ZNF516: variants seen among roughly 807,000 people sequenced by gnomAD.
ZNF516 encodes zinc finger protein 516.
ZNF516 carries 19 observed loss-of-function variants against 79.7 expected under a neutral mutation model. The observed-to-expected ratio is 0.24, with a 90% CI of 0.17 to 0.35. The LOEUF (loss-of-function observed/expected upper bound fraction) is 0.35, where lower values mean the gene tolerates loss of function less well. ZNF516 is among the 10% of genes least tolerant of loss of function. The probability of loss-of-function intolerance (pLI) is 1.00; values close to 1 mark genes in which losing one functional copy is unlikely to be tolerated. For missense variants in ZNF516, 1,678 were observed against 1,679.5 expected (o/e 1.00, Z 0.02); for synonymous variants, 877 against 739.5 (o/e 1.19, Z -3.02).
intron 1 of ZNF516, among the ~76,000 whole-genome samples, chr18:76,491,401 T>TCCCC (rs1322305916): frequency 1.6e-5 from 1 of 63,044 alleles, no homozygotes; most frequent in East Asian, 4.3e-4. Context: ...CCCCGCCGGC[T>TCCCC]CCCCCCGCCC....
chr18:76,492,566 G>C (rs67538124), intron 1 of ZNF516: 59,609 of 361,278 alleles, frequency 0.16, 5,704 homozygotes, highest in African/African-American at 0.31. Flanking sequence ...CTTTTCTACG[G>C]AGTTCACATC....
chr18:76,468,594 AT>A (rs1337773301), intron 1 of ZNF516, among the ~76,000 whole-genome samples: 1 of 150,700 alleles, frequency 6.6e-6, no homozygotes, highest in Non-Finnish European at 1.5e-5. Flanking sequence ...TTTTTTTTCT[AT>A]TTTTTGTAGA....
intron 2 of ZNF516, among the ~76,000 whole-genome samples, chr18:76,458,093 C>T (rs1302998944): frequency 1.3e-5 from 2 of 152,216 alleles, no homozygotes; most frequent in African/African-American, 4.8e-5. Context: ...CCTGACACTT[C>T]AATGCCATCA....
At chr18:76,395,316 T>A (rs1363763500) in intron 3 of ZNF516, among the ~76,000 whole-genome samples, 2 of 152,070 alleles carry the variant, frequency 1.3e-5, no homozygotes, top group African/African-American at 4.8e-5. Flanking sequence ...AAAGCAAACC[T>A]TGTTTCACAG....
At chr18:76,492,710 T>G (rs1303297793) in intron 1 of ZNF516, 1 of 984,778 alleles carries the variant, frequency 1.0e-6, no homozygotes, top group Non-Finnish European at 1.2e-6. Context: ...GAGTCCCCAG[T>G]TGCTGAGAAA....
chr18:76,478,459 T>C lies in ZNF516; in HGVS notation c.-271-15318A>G, dbSNP rs926775236. Among the ~76,000 whole-genome samples the C allele has an allele frequency of 2.0e-5, 3 of 152,194 alleles. No homozygotes were observed. The East Asian group carries it at 5.8e-4, about 29-fold the overall frequency. On this transcript the variant is annotated intron_variant, in intron 1 of 6. Transcript: ENST00000443185. ...GAAAAAAAAGGTTTAAGGTTTAATA[T>C]ACAATACAAATAACATCTACCTAAA...
At chr18:76,482,184 CTT>C (rs1914562499) in intron 1 of ZNF516, among the ~76,000 whole-genome samples, 1 of 152,096 alleles carries the variant, frequency 6.6e-6, no homozygotes, top group African/African-American at 2.4e-5. Context: ...CCATGTTTTG[CTT>C]TTTGTTTTAG....
intron 3 of ZNF516, among the ~76,000 whole-genome samples, chr18:76,435,377 C>T (rs2145485950): frequency 6.6e-6 from 1 of 152,336 alleles, no homozygotes; most frequent in African/African-American, 2.4e-5. Flanking sequence ...CATAGATTAT[C>T]AACGCTGAAA....
intron 3 of ZNF516, among the ~76,000 whole-genome samples, chr18:76,408,569 A>C (rs1395686282): frequency 1.3e-5 from 2 of 152,202 alleles, no homozygotes; most frequent in Non-Finnish European, 2.9e-5. Flanking sequence ...AATGTTTGTC[A>C]TCCAACTAGG....
intron 3 of ZNF516, among the ~76,000 whole-genome samples, chr18:76,430,805 T>C (rs2075651547): frequency 6.6e-6 from 1 of 152,258 alleles, no homozygotes. Flanking sequence ...GGCACATCTA[T>C]ACAGGAACAT....
intron 3 of ZNF516, among the ~76,000 whole-genome samples, chr18:76,380,600 G>C (rs2074875736): frequency 6.6e-6 from 1 of 152,166 alleles, no homozygotes; most frequent in South Asian, 2.1e-4. Context: ...AGTTAACAGA[G>C]GGTGACTGGT....
Position 76,493,261 on chromosome 18 carries a change from G to GAA in ZNF516, c.-272+1881_-272+1882dup. On this transcript the variant is annotated intron_variant, in intron 1 of 6. Transcript: ENST00000443185. This position sits in a 1 kb window ranked among gnomAD's most constrained non-coding sequence, Gnocchi z 5.2. ...TGTACTTCCACAAAGGATGGAAAGG[G>GAA]AAATTCACGAAGGGAGTGGAGGCGG... The GAA allele has an allele frequency of 1.1e-6, 1 of 895,838 alleles. No homozygotes were observed. Among genetic ancestry groups the GAA allele is most frequent in the East Asian group, 1.3e-4 (1 of 7,926 alleles). The allele number at this position is 895,838 out of a possible 1,614,324, so 55.5% of individuals were successfully genotyped here.
At chr18:76,439,226 T>C (rs1234636794) in intron 3 of ZNF516, among the ~76,000 whole-genome samples, 1 of 152,224 alleles carries the variant, frequency 6.6e-6, no homozygotes, top group East Asian at 1.9e-4. Flanking sequence ...AGAATATCCA[T>C]GAATTAGTAA....
Position 76,493,189 on chromosome 18 carries a change from CTTCT to C in ZNF516, c.-272+1951_-272+1954del, listed in dbSNP as rs1057393448. 4 of 984,810 alleles carry C rather than the reference CTTCT, an allele frequency of 4.1e-6. No homozygotes were observed. The African/African-American group carries it at 7.0e-5, about 17-fold the overall frequency. 61.0% of individuals were successfully genotyped at this position (984,810 alleles called of 1,614,324 possible). A position where few individuals can be genotyped will look rare whatever the true frequency, so the allele number is the denominator to read the frequency against. ...AGTTAGCCATCTGCGCAGAGTTTGC[CTTCT>C]TTAAGGAGGGAGGCGTCAGACGATA... On this transcript the variant is annotated intron_variant, in intron 1 of 6. Transcript: ENST00000443185. The surrounding 1 kb of genome is among the most constrained non-coding windows in gnomAD (Gnocchi z 5.2).
rs775776022 is a variant in ZNF516, at chr18:76,441,310, C to A, written c.1745G>T (p.Gly582Val). ...GGCAGCCTCGTCGGCCAGGCCAGAG[C>A]CCGGGGAGTCAGCAGCGGCACAGGC... Reference protein sequence around the residue: ...GSACAAADSPGSGLADEAAED... With the variant: ...GSACAAADSPVSGLADEAAED... Residue 582 changes from glycine to valine, a missense_variant, in exon 3 of 7, where the codon GGC becomes GTC. Gly to Val is a moderately radical substitution (Grantham distance 109, BLOSUM62 -3). Coordinates refer to ENST00000443185, the MANE Select transcript of ZNF516 (RefSeq NM_014643.4). The A allele has an allele frequency of 2.5e-6, 4 of 1,611,416 alleles. No homozygotes were observed. Among genetic ancestry groups the A allele is most frequent in the Admixed American group, 1.7e-5 (1 of 59,904 alleles).
intron 3 of ZNF516, among the ~76,000 whole-genome samples, chr18:76,415,113 G>A (rs971926888): frequency 1.3e-5 from 2 of 152,156 alleles, no homozygotes; most frequent in Non-Finnish European, 2.9e-5. Flanking sequence ...CAGCAGAATT[G>A]TACGAACCCA....
intron 3 of ZNF516, among the ~76,000 whole-genome samples, chr18:76,436,483 T>C (rs1033265432): frequency 1.3e-5 from 2 of 152,136 alleles, no homozygotes; most frequent in Admixed American, 1.3e-4. Context: ...TCCCAACCCA[T>C]GACTTGGCTT....
intron 1 of ZNF516, among the ~76,000 whole-genome samples, chr18:76,485,288 G>A (rs919233812): frequency 2.0e-5 from 3 of 152,124 alleles, no homozygotes; most frequent in Admixed American, 1.3e-4. Context: ...CTAAATCTGG[G>A]GGGAATATGA....
chr18:76,455,963 C>A (rs187677581), intron 2 of ZNF516, among the ~76,000 whole-genome samples: 72 of 152,238 alleles, frequency 4.7e-4, no homozygotes, highest in African/African-American at 1.5e-3. Context: ...CCAGAGAGAC[C>A]ATTGTTACCT....
Sources: gnomAD v4.1 joint callset for allele counts (sites outside exome capture counted in the v4.1 genomes callset) on GRCh38, gnomAD v4.1.1 for gene constraint, Gnocchi (gnomAD v3.1) non-coding constraint, MANE v1.5 for transcripts, NCBI Gene and HGNC (gene_info 2026-07-23, HGNC 2026-07-21) for gene names.